Variants in RPH3AL observed in about 807,000 individuals in gnomAD.
The protein encoded by RPH3AL is rab effector Noc2.
Under a neutral mutation model 43.1 loss-of-function variants are expected in RPH3AL, and 38 were observed. The ratio of observed to expected loss-of-function variants is 0.88; its 90% CI spans 0.68 to 1.15. The LOEUF (loss-of-function observed/expected upper bound fraction) is 1.15, where lower values mean the gene tolerates loss of function less well. Ranked by LOEUF, RPH3AL falls within the 50% of genes most tolerant of loss-of-function variation. RPH3AL has a pLI of 0.00. For missense variants in RPH3AL, 462 were observed against 423.2 expected, an observed-to-expected ratio of 1.09 and a Z score of -0.81; for synonymous variants, 189 against 176.3, an observed-to-expected ratio of 1.07 and a Z score of -0.57.
chr17:272,762 T>TCACACA (rs71143491), intron 6 of RPH3AL, among the ~76,000 whole-genome samples: 29,363 of 145,566 alleles, frequency 0.2, 3,447 homozygotes, highest in Admixed American at 0.3. Flanking sequence ...ATTATTTAAG[T>TCACACA]CACACACACA....
intron 5 of RPH3AL, among the ~76,000 whole-genome samples, chr17:308,525 T>C (rs921390802): frequency 6.6e-6 from 1 of 152,218 alleles, no homozygotes; most frequent in Admixed American, 6.5e-5. Flanking sequence ...TTGTTCACAA[T>C]AGCTGCAACA....
chr17:272,022 C>T (rs1207026308), intron 6 of RPH3AL, among the ~76,000 whole-genome samples: 1 of 152,192 alleles, frequency 6.6e-6, no homozygotes, highest in Non-Finnish European at 1.5e-5. Flanking sequence ...CCATCACTGG[C>T]CATCAGAGAA....
At chr17:327,875 C>T (rs1029431038) in intron 2 of RPH3AL, among the ~76,000 whole-genome samples, 3 of 152,182 alleles carry the variant, frequency 2.0e-5, no homozygotes, top group African/African-American at 7.2e-5. Flanking sequence ...AGAGGAGGCT[C>T]ACCCTTAGCA....
chr17:232,453 G>A (rs886917487), intron 7 of RPH3AL, among the ~76,000 whole-genome samples: 1 of 152,194 alleles, frequency 6.6e-6, no homozygotes, highest in Non-Finnish European at 1.5e-5. Flanking sequence ...TGCACAGACA[G>A]ACAGGCAAAT....
At chr17:250,811 G>A (rs879981615) in intron 6 of RPH3AL, among the ~76,000 whole-genome samples, 1 of 149,856 alleles carries the variant, frequency 6.7e-6, no homozygotes, top group African/African-American at 2.5e-5. Flanking sequence ...CCATCACTGC[G>A]GGACCTCTCG....
At chr17:241,895 T>C (rs1005047910) in intron 7 of RPH3AL, among the ~76,000 whole-genome samples, 9 of 152,020 alleles carry the variant, frequency 5.9e-5, no homozygotes, top group Admixed American at 5.9e-4. Flanking sequence ...GCAGGTGAAT[T>C]GTTTGAGGCC....
intron 6 of RPH3AL, among the ~76,000 whole-genome samples, chr17:268,743 T>C (rs1274192609): frequency 2.0e-5 from 3 of 151,786 alleles, no homozygotes; most frequent in Admixed American, 1.3e-4. Context: ...TTAAAAACTT[T>C]TTGTAGTGAC....
rs57086885 is a variant in RPH3AL, at chr17:241,055, CAATAATAATAATAATAAT to C, written c.613+6038_613+6055del. Among the ~76,000 whole-genome samples, 367 of 143,632 alleles carry C rather than the reference CAATAATAATAATAATAAT, an allele frequency of 2.6e-3. 2 individuals are homozygous for C. Among genetic ancestry groups the C allele is most frequent in the East Asian group, 5.6e-3 (27 of 4,790 alleles). 94.2% of individuals were successfully genotyped at this position (143,632 alleles called of 152,430 possible). On this transcript the variant is annotated intron_variant, in intron 7 of 9. Coordinates refer to ENST00000331302, the MANE Select transcript of RPH3AL (RefSeq NM_006987.4). ...CTGGCGACAGAGTGAGACTCCATCT[CAATAATAATAATAATAAT>C]AATAATAATAATAATAATAATAATA... is the stretch of plus-strand genomic sequence containing the variant.
intron 6 of RPH3AL, among the ~76,000 whole-genome samples, chr17:269,685 T>C (rs990481315): frequency 6.6e-6 from 1 of 152,210 alleles, no homozygotes; most frequent in Non-Finnish European, 1.5e-5. Flanking sequence ...AGCGAGATGA[T>C]CATGGCCTGG....
At chr17:253,076 C>T (rs1273175181) in intron 6 of RPH3AL, among the ~76,000 whole-genome samples, 5 of 152,146 alleles carry the variant, frequency 3.3e-5, no homozygotes, top group African/African-American at 1.2e-4. Flanking sequence ...GAATCCAAGG[C>T]CTCCTCTGTG....
chr17:279,861 T>G (rs541748287), intron 6 of RPH3AL, among the ~76,000 whole-genome samples: 1 of 152,288 alleles, frequency 6.6e-6, no homozygotes, highest in East Asian at 1.9e-4. Flanking sequence ...CTGATAGTTA[T>G]GGAATATCTA....
chr17:297,108 A>G (rs2151631437), intron 5 of RPH3AL, among the ~76,000 whole-genome samples: 1 of 152,330 alleles, frequency 6.6e-6, no homozygotes, highest in Middle Eastern at 3.4e-3. Flanking sequence ...AAGACTCCAC[A>G]AAAACCCAAG....
At chr17:327,956 C>T (rs559268348) in intron 2 of RPH3AL, among the ~76,000 whole-genome samples, 8 of 152,268 alleles carry the variant, frequency 5.3e-5, no homozygotes, top group Non-Finnish European at 7.4e-5. Flanking sequence ...GAACTGAGCA[C>T]GTCACCCAGC....
chr17:347,864 T>TAA (rs139569759), intron 1 of RPH3AL, among the ~76,000 whole-genome samples: 3 of 151,440 alleles, frequency 2.0e-5, no homozygotes, highest in African/African-American at 7.3e-5. Context: ...AATTCAGTGA[T>TAA]AAAAAAAATG....
At chr17:334,697 G>A (rs2044898369) in intron 1 of RPH3AL, among the ~76,000 whole-genome samples, 1 of 136,780 alleles carries the variant, frequency 7.3e-6, no homozygotes, top group Admixed American at 7.7e-5. Flanking sequence ...ACAGGGACAA[G>A]GACAGGGACA....
In RPH3AL at chr17:290,192, C is replaced by T. The variant is rs1461704827; in HGVS notation, c.352-8338G>A. ...GCGTGAAGGCACTCGCTCAGCGACA[C>T]GAGGCAGGGTCCAATCACGTCCACA... On this transcript the variant is annotated intron_variant, in intron 5 of 9. Transcript: ENST00000331302. This position sits in a 1 kb window ranked among gnomAD's most constrained non-coding sequence, Gnocchi z 4.2. Among the ~76,000 whole-genome samples the T allele has an allele frequency of 3.3e-5, 5 of 152,252 alleles. No individual in the cohort carries two copies. The highest frequency in any genetic ancestry group is 1.9e-4 in the East Asian group (1 of 5,204).
At chr17:286,084 G>A (rs2042902929) in intron 5 of RPH3AL, among the ~76,000 whole-genome samples, 1 of 152,184 alleles carries the variant, frequency 6.6e-6, no homozygotes, top group African/African-American at 2.4e-5. Flanking sequence ...GGGGGGGTTT[G>A]AGGGACAAAT....
At chr17:345,497 G>A (rs924617139) in intron 1 of RPH3AL, among the ~76,000 whole-genome samples, 4 of 134,866 alleles carry the variant, frequency 3.0e-5, no homozygotes, top group East Asian at 2.4e-4. Context: ...TTCTACGCCT[G>A]TATAGCCAGG....
chr17:345,303 A>G (rs1381081367), intron 1 of RPH3AL, among the ~76,000 whole-genome samples: 1 of 134,066 alleles, frequency 7.5e-6, no homozygotes, highest in Non-Finnish European at 1.7e-5. Context: ...CAAACAGAAC[A>G]CCCTAAATCC....
Sources: gnomAD v4.1 joint callset for allele counts (sites outside exome capture counted in the v4.1 genomes callset) on GRCh38, gnomAD v4.1.1 for gene constraint, Gnocchi (gnomAD v3.1) non-coding constraint, MANE v1.5 for transcripts, NCBI Gene and HGNC (gene_info 2026-07-23, HGNC 2026-07-21) for gene names.